The following VWC2 variants were observed in gnomAD, a reference collection of about 807,000 sequenced individuals.
The protein encoded by VWC2 is von Willebrand factor C domain containing 2.
A neutral mutation model predicts 29.8 loss-of-function variants in VWC2; 14 were observed. The ratio of observed to expected loss-of-function variants is 0.47; its 90% CI spans 0.31 to 0.74. The LOEUF is 0.74. Among genes scored for constraint, VWC2 ranks in the 30% least tolerant of loss-of-function variants. The pLI, the probability that VWC2 is intolerant of heterozygous loss-of-function variation, is 0.05. For synonymous variants in VWC2, 213 were observed against 199.0 expected (o/e 1.07, Z -0.59); for missense variants, 457 against 459.8 (o/e 0.99, Z 0.05).
intron 2 of VWC2, among the ~76,000 whole-genome samples, chr7:49,785,055 A>C (rs1313564604): frequency 6.6e-6 from 1 of 152,206 alleles, no homozygotes; most frequent in Non-Finnish European, 1.5e-5. Flanking sequence ...AAGAACAGAA[A>C]TATATCCCCA....
intron 2 of VWC2, among the ~76,000 whole-genome samples, chr7:49,791,181 A>G (rs1322304484): frequency 6.6e-6 from 1 of 152,182 alleles, no homozygotes; most frequent in East Asian, 1.9e-4. Context: ...CACTGTATAA[A>G]TGGAAGGGAC....
At chr7:49,823,706 T>C (rs996124654) in intron 3 of VWC2, among the ~76,000 whole-genome samples, 8 of 152,186 alleles carry the variant, frequency 5.3e-5, no homozygotes, top group Admixed American at 2.6e-4. Flanking sequence ...TTTTCAGCCA[T>C]GACATCAAAT....
In VWC2 at chr7:49,912,351, A is replaced by G; in HGVS notation, c.*166A>G. The G allele has an allele frequency of 1.6e-6, 1 of 642,772 alleles. No homozygotes were observed. The highest frequency in any genetic ancestry group is 2.5e-6 in the Non-Finnish European group (1 of 399,904). The allele number at this position is 642,772 out of a possible 1,614,324, so 39.8% of individuals were successfully genotyped here. ...ATAACAGTTACTACAACAGAAGGAA[A>G]TGGATATATTTCAAAACATCAACAA... On this transcript the variant is annotated 3_prime_UTR_variant, in exon 4 of 4. Coordinates refer to ENST00000340652, the MANE Select transcript of VWC2 (RefSeq NM_198570.5).
intron 2 of VWC2, among the ~76,000 whole-genome samples, chr7:49,799,970 C>T (rs976474426): frequency 2.6e-5 from 4 of 152,204 alleles, no homozygotes; most frequent in East Asian, 3.9e-4. Context: ...CATGGGACCA[C>T]GTCGTATATG....
chr7:49,867,053 G>C (rs534834753), intron 3 of VWC2, among the ~76,000 whole-genome samples: 1 of 152,136 alleles, frequency 6.6e-6, no homozygotes, highest in Non-Finnish European at 1.5e-5. Flanking sequence ...TAACCATCTC[G>C]TTAGAGAGAC....
At chr7:49,824,883 T>G (rs1164401397) in intron 3 of VWC2, among the ~76,000 whole-genome samples, 1 of 152,142 alleles carries the variant, frequency 6.6e-6, no homozygotes, top group Non-Finnish European at 1.5e-5. Context: ...TTTCCTACCT[T>G]GCAAAATTCT....
In VWC2 at chr7:49,912,589, A is replaced by AG. The variant is rs1265769010; in HGVS notation, c.*406dup. 3 of 158,166 alleles carry AG rather than the reference A, an allele frequency of 1.9e-5. No individual in the cohort carries two copies. The highest frequency in any genetic ancestry group is 1.9e-4 in the Admixed American group (3 of 15,980). 9.8% of individuals were successfully genotyped at this position (158,166 alleles called of 1,614,324 possible). A position where few individuals can be genotyped will look rare whatever the true frequency, so the allele number is the denominator to read the frequency against. On this transcript the variant is annotated 3_prime_UTR_variant, in exon 4 of 4. Transcript: ENST00000340652. ...TTTTTCAGTTCTGATTCCATCACCC[A>AG]GGAATGTTCCCCCTGCACATTTTCA... is the stretch of plus-strand genomic sequence containing the variant.
intron 3 of VWC2, among the ~76,000 whole-genome samples, chr7:49,887,885 G>C (rs182447239): frequency 6.6e-6 from 1 of 152,146 alleles, no homozygotes; most frequent in Non-Finnish European, 1.5e-5. Context: ...CTAGCTGCTG[G>C]TTTCTTCCTT....
intron 3 of VWC2, among the ~76,000 whole-genome samples, chr7:49,810,290 C>A (rs1309111627): frequency 1.3e-5 from 2 of 151,856 alleles, no homozygotes; most frequent in African/African-American, 4.8e-5. Context: ...AAAATAATTT[C>A]ATTTAGAATA....
Position 49,775,330 on chromosome 7 carries a change from C to T in VWC2, c.-103-3C>T. 1 of 895,010 alleles carries T rather than the reference C, an allele frequency of 1.1e-6. No individual in the cohort carries two copies. 55.4% of individuals were successfully genotyped at this position (895,010 alleles called of 1,614,324 possible). Reference sequence around the variant, plus strand: ...CTCAGTTGTGCTGCTGTTCTCTCCGCAGGGACGGCGGCTCCCGGCTGGCGG... The same window carrying T: ...CTCAGTTGTGCTGCTGTTCTCTCCGTAGGGACGGCGGCTCCCGGCTGGCGG... On this transcript the variant is annotated splice_region_variant and splice_polypyrimidine_tract_variant and intron_variant, in intron 1 of 3. Coordinates refer to ENST00000340652, the MANE Select transcript of VWC2 (RefSeq NM_198570.5).
intron 2 of VWC2, among the ~76,000 whole-genome samples, chr7:49,802,196 A>G (rs1788753528): frequency 6.6e-6 from 1 of 152,256 alleles, no homozygotes; most frequent in South Asian, 2.1e-4. Context: ...GGAACATCAT[A>G]GCCCTGTGGC....
rs1029295134 is a variant in VWC2, at chr7:49,907,237, T to C, written c.827-4797T>C. On this transcript the variant is annotated intron_variant, in intron 3 of 3. Transcript: ENST00000340652. ...ATAAATTAGAAATCACTGAAAATGA[T>C]TGACATAATGGCTGGAGGTGGGAGG... Among the ~76,000 whole-genome samples the C allele has an allele frequency of 8.5e-5, 13 of 152,152 alleles. 1 individual carries two copies. Among genetic ancestry groups the C allele is most frequent in the Non-Finnish European group, 1.9e-4 (13 of 68,014 alleles).
At chr7:49,867,889 A>G (rs1197350730) in intron 3 of VWC2, among the ~76,000 whole-genome samples, 1 of 151,026 alleles carries the variant, frequency 6.6e-6, no homozygotes, top group African/African-American at 2.4e-5. Context: ...GCTGGAGTGC[A>G]ATGGTGCAAT....
At chr7:49,845,993 T>C (rs1412827180) in intron 3 of VWC2, among the ~76,000 whole-genome samples, 1 of 152,238 alleles carries the variant, frequency 6.6e-6, no homozygotes. Flanking sequence ...GGTACAGTCA[T>C]GATAAAAGAC....
At chr7:49,837,272 G>T (rs1230600796) in intron 3 of VWC2, among the ~76,000 whole-genome samples, 2 of 152,176 alleles carry the variant, frequency 1.3e-5, no homozygotes, top group Non-Finnish European at 2.9e-5. Context: ...TTGGATATTG[G>T]CTTGAGGAAT....
At chr7:49,881,189 G>A (rs1485462072) in intron 3 of VWC2, among the ~76,000 whole-genome samples, 7 of 152,076 alleles carry the variant, frequency 4.6e-5, no homozygotes, top group African/African-American at 1.7e-4. Context: ...AGGTGAAGCT[G>A]ACTGAGCTTG....
intron 3 of VWC2, among the ~76,000 whole-genome samples, chr7:49,807,207 T>C (rs549510037): frequency 1.3e-5 from 2 of 152,324 alleles, no homozygotes; most frequent in African/African-American, 4.8e-5. Flanking sequence ...AACACAAAGA[T>C]GTGAGTCTGC....
At chr7:49,829,283 T>C (rs183823413) in intron 3 of VWC2, among the ~76,000 whole-genome samples, 2 of 152,226 alleles carry the variant, frequency 1.3e-5, no homozygotes, top group Non-Finnish European at 2.9e-5. Context: ...TGAGGTTTTT[T>C]AGAAAATCAT....
chr7:49,821,584 C>T (rs117160981), intron 3 of VWC2, among the ~76,000 whole-genome samples: 14 of 151,678 alleles, frequency 9.2e-5, no homozygotes, highest in African/African-American at 3.2e-4. Context: ...AGTTTTATAT[C>T]AGTGTCTTAC....
Sources: gnomAD v4.1 joint callset for allele counts (sites outside exome capture counted in the v4.1 genomes callset) on GRCh38, gnomAD v4.1.1 for gene constraint, MANE v1.5 for transcripts, NCBI Gene and HGNC (gene_info 2026-07-23, HGNC 2026-07-21) for gene names.